The following EIF2B3 variants were observed in gnomAD, a reference collection of about 807,000 sequenced individuals.
The protein encoded by EIF2B3 is translation initiation factor eIF2B subunit gamma.
Under a neutral mutation model 54.1 loss-of-function variants are expected in EIF2B3, and 20 were observed. That is an observed-to-expected ratio of 0.37 (90% CI 0.26 to 0.54). EIF2B3 has a LOEUF of 0.54. Ranked by LOEUF, EIF2B3 falls within the 20% of genes least tolerant of loss-of-function variation. EIF2B3 has a pLI of 0.86. For missense variants in EIF2B3, 448 were observed against 547.8 expected (o/e 0.82, Z 1.82); for synonymous variants, 153 against 188.1 (o/e 0.81, Z 1.52).
At chr1:44,946,657 C>T (rs1481484845) in intron 3 of EIF2B3, among the ~76,000 whole-genome samples, 4 of 136,716 alleles carry the variant, frequency 2.9e-5, no homozygotes, top group African/African-American at 1.1e-4. Flanking sequence ...GAGACGGGAT[C>T]TCACTATGTT....
chr1:44,851,558 G>A (rs1167317974), intron 11 of EIF2B3, among the ~76,000 whole-genome samples: 1 of 152,302 alleles, frequency 6.6e-6, no homozygotes, highest in African/African-American at 2.4e-5. Context: ...GTCTTAAAGG[G>A]TGAATAGTTT....
At chr1:44,978,241 C>T in intron 3 of EIF2B3, 74 bp downstream of exon 3, 7 of 1,569,186 alleles carry the variant, frequency 4.5e-6, no homozygotes, top group Non-Finnish European at 6.1e-6. Context: ...AAAAAAAAGA[C>T]TATAATGCAC....
At chr1:44,857,680 A>G (rs761251836) in intron 11 of EIF2B3, 24 bp downstream of exon 11, 5 of 1,609,420 alleles carry the variant, frequency 3.1e-6, no homozygotes, top group Non-Finnish European at 4.3e-6. Flanking sequence ...TAAAAATGGA[A>G]TCTGTGATTG....
At chr1:44,903,447 T>A (rs1169729877) in intron 5 of EIF2B3, among the ~76,000 whole-genome samples, 1 of 152,166 alleles carries the variant, frequency 6.6e-6, no homozygotes, top group Non-Finnish European at 1.5e-5. Flanking sequence ...CCCAGCATCA[T>A]CATGTGTGTG....
At chr1:44,913,469 C>A (rs1021858123) in intron 5 of EIF2B3, among the ~76,000 whole-genome samples, 1 of 151,516 alleles carries the variant, frequency 6.6e-6, no homozygotes, top group Non-Finnish European at 1.5e-5. Context: ...CTACAGCCTG[C>A]CAGTTAGATG....
At chr1:44,906,591 G>C (rs1643415172) in intron 5 of EIF2B3, among the ~76,000 whole-genome samples, 1 of 152,150 alleles carries the variant, frequency 6.6e-6, no homozygotes. Context: ...GTAGAGACAG[G>C]GTTTCATTAT....
At chr1:44,873,684 A>G (rs1365851782) in intron 10 of EIF2B3, among the ~76,000 whole-genome samples, 1 of 151,778 alleles carries the variant, frequency 6.6e-6, no homozygotes. Context: ...TCTGTCACCC[A>G]GGCTGGAGTG....
chr1:44,877,597 C>T (rs1418068502), intron 8 of EIF2B3, among the ~76,000 whole-genome samples: 1 of 152,104 alleles, frequency 6.6e-6, no homozygotes, highest in East Asian at 1.9e-4. Flanking sequence ...TAGACAAATT[C>T]GAAATCAAGG....
At chr1:44,855,748 G>A (rs1573676994) in intron 11 of EIF2B3, among the ~76,000 whole-genome samples, 2 of 152,008 alleles carry the variant, frequency 1.3e-5, no homozygotes, top group East Asian at 1.9e-4. Flanking sequence ...GTAGAGACGG[G>A]GTTTCACCAT....
chr1:44,907,349 G>C (rs1643431712), intron 5 of EIF2B3, among the ~76,000 whole-genome samples: 1 of 151,668 alleles, frequency 6.6e-6, no homozygotes, highest in African/African-American at 2.4e-5. Flanking sequence ...CACGAGGTCA[G>C]GGGATGGAGA....
chr1:44,931,089 T>C (rs892373888), intron 4 of EIF2B3, among the ~76,000 whole-genome samples: 1 of 152,194 alleles, frequency 6.6e-6, no homozygotes, highest in Non-Finnish European at 1.5e-5. Context: ...GGTAATAAAA[T>C]GTTACTTCTA....
chr1:44,874,460 T>C, intron 10 of EIF2B3: 1 of 566,652 alleles, frequency 1.8e-6, no homozygotes. Flanking sequence ...CTCTTGTTTC[T>C]GATCTTTCTC....
At chr1:44,982,759 C>A (rs909946541) in intron 1 of EIF2B3, among the ~76,000 whole-genome samples, 4 of 149,782 alleles carry the variant, frequency 2.7e-5, no homozygotes, top group African/African-American at 7.3e-5. Flanking sequence ...TACCACCATG[C>A]CTGGCTTTTT....
At chr1:44,878,299 G>A (rs1357199764) in intron 8 of EIF2B3, among the ~76,000 whole-genome samples, 1 of 152,034 alleles carries the variant, frequency 6.6e-6, no homozygotes, top group Non-Finnish European at 1.5e-5. Flanking sequence ...GTCTCACTCT[G>A]TTGCCCAGGC....
At chr1:44,982,976 G>A (rs368586856) in intron 1 of EIF2B3, among the ~76,000 whole-genome samples, 1 of 152,098 alleles carries the variant, frequency 6.6e-6, no homozygotes, top group South Asian at 2.1e-4. Flanking sequence ...CTCCACATTG[G>A]TCAGGCTGGT....
chr1:44,907,161 T>C (rs1172035425), intron 5 of EIF2B3, among the ~76,000 whole-genome samples: 2 of 152,254 alleles, frequency 1.3e-5, no homozygotes, highest in African/African-American at 2.4e-5. Context: ...CTTCCCTTAC[T>C]TGGTCTCTCT....
At chr1:44,858,876 C>T (rs1654522425) in intron 10 of EIF2B3, among the ~76,000 whole-genome samples, 1 of 152,158 alleles carries the variant, frequency 6.6e-6, no homozygotes, top group African/African-American at 2.4e-5. Flanking sequence ...CTACAGGTGT[C>T]CATCACTATG....
intron 10 of EIF2B3, among the ~76,000 whole-genome samples, chr1:44,870,514 T>C (rs1271160060): frequency 1.3e-5 from 2 of 152,220 alleles, no homozygotes; most frequent in Non-Finnish European, 2.9e-5. Flanking sequence ...TCTCCTTAGA[T>C]TCCTTTTCTT....
chr1:44,944,351 T>C (rs959523784), intron 3 of EIF2B3, among the ~76,000 whole-genome samples: 3 of 152,150 alleles, frequency 2.0e-5, no homozygotes, highest in African/African-American at 7.2e-5. Flanking sequence ...AAGTCTAGGC[T>C]GGGCAGAGTG....
Sources: gnomAD v4.1 joint callset for allele counts (sites outside exome capture counted in the v4.1 genomes callset) on GRCh38, gnomAD v4.1.1 for gene constraint, MANE v1.5 for transcripts, NCBI Gene and HGNC (gene_info 2026-07-23, HGNC 2026-07-21) for gene names.